Variants in KCNK2 observed in about 807,000 individuals in gnomAD.
The protein encoded by KCNK2 is potassium two pore domain channel subfamily K member 2, also known as potassium channel subfamily K member 2.
KCNK2 carries 21 observed loss-of-function variants against 40.5 expected under a neutral mutation model. The ratio of observed to expected loss-of-function variants is 0.52; its 90% confidence interval spans 0.37 to 0.75. The LOEUF (loss-of-function observed/expected upper bound fraction) is 0.75. Among genes scored for constraint, KCNK2 ranks in the 30% least tolerant of loss-of-function variants. KCNK2 has a pLI of 0.00. For missense variants in KCNK2, 399 were observed against 531.6 expected, an observed-to-expected ratio of 0.75 and a Z score of 2.45; for synonymous variants, 191 against 202.2, an observed-to-expected ratio of 0.94 and a Z score of 0.47.
intron 1 of KCNK2, among the ~76,000 whole-genome samples, chr1:215,039,756 G>A (rs1657502936): frequency 6.6e-6 from 1 of 151,998 alleles, no homozygotes; most frequent in Non-Finnish European, 1.5e-5. Flanking sequence ...TTCAGAACTT[G>A]GATCTTTGCC....
chr1:215,009,771 A>G (rs1656311997), intron 1 of KCNK2, among the ~76,000 whole-genome samples: 1 of 152,194 alleles, frequency 6.6e-6, no homozygotes, highest in Non-Finnish European at 1.5e-5. Context: ...AAGATATAGT[A>G]TAATTGAGTA....
At chr1:215,084,714 G>C (rs1659355382) in intron 1 of KCNK2, among the ~76,000 whole-genome samples, 1 of 152,182 alleles carries the variant, frequency 6.6e-6, no homozygotes, top group African/African-American at 2.4e-5. Context: ...ACAGGTGAAT[G>C]TATCAGGAGA....
At chr1:215,233,823 G>T (rs766831628) in intron 6 of KCNK2, among the ~76,000 whole-genome samples, 3 of 152,144 alleles carry the variant, frequency 2.0e-5, no homozygotes, top group African/African-American at 4.8e-5. Context: ...ATTCTGGTTA[G>T]TTAAGAGGAT....
intron 1 of KCNK2, among the ~76,000 whole-genome samples, chr1:215,010,608 G>A (rs1416484434): frequency 1.3e-5 from 2 of 152,120 alleles, no homozygotes; most frequent in Non-Finnish European, 2.9e-5. Context: ...ACGCCAAAGT[G>A]TTTTGTTTCC....
chr1:215,205,672 C>T (rs916070442), intron 6 of KCNK2, among the ~76,000 whole-genome samples: 1 of 152,154 alleles, frequency 6.6e-6, no homozygotes, highest in African/African-American at 2.4e-5. Context: ...GAGTCCCCTG[C>T]TGACTTGTTG....
chr1:215,125,712 A>G (rs897999231), intron 3 of KCNK2, among the ~76,000 whole-genome samples: 2 of 148,418 alleles, frequency 1.3e-5, no homozygotes, highest in African/African-American at 5.0e-5. Flanking sequence ...CGTTGTGCAC[A>G]TGTACCCTAG....
intron 1 of KCNK2, among the ~76,000 whole-genome samples, chr1:215,058,189 C>A (rs1191577588): frequency 6.6e-6 from 1 of 152,064 alleles, no homozygotes; most frequent in East Asian, 1.9e-4. Flanking sequence ...ACAGCCATGC[C>A]CCTTCACTAG....
intron 2 of KCNK2, among the ~76,000 whole-genome samples, chr1:215,094,776 GA>G (rs1659906646): frequency 6.6e-6 from 1 of 151,908 alleles, no homozygotes; most frequent in Non-Finnish European, 1.5e-5. Context: ...TACAAAATGA[GA>G]AAAATGCCAT....
At chr1:215,178,501 A>G (rs1664087690) in intron 5 of KCNK2, among the ~76,000 whole-genome samples, 1 of 152,206 alleles carries the variant, frequency 6.6e-6, no homozygotes, top group Non-Finnish European at 1.5e-5. Flanking sequence ...GGTTTGCCAT[A>G]GATGGCTCTT....
intron 1 of KCNK2, among the ~76,000 whole-genome samples, chr1:215,062,439 A>C (rs577355720): frequency 4.1e-4 from 62 of 152,126 alleles, no homozygotes; most frequent in African/African-American, 1.5e-3. Flanking sequence ...CTACAACATC[A>C]GATATTTACA....
At position 215,086,574 on chromosome 1, in the gene KCNK2, C is replaced by A. The variant is rs1367707521; in HGVS notation, c.253C>A (p.Gln85Lys). The A allele has an allele frequency of 6.2e-7, 1 of 1,614,118 alleles. No individual in the cohort carries two copies. Reference protein sequence around the residue: ...IGATVFKALEQPHEISQRTTI... With the variant: ...IGATVFKALEKPHEISQRTTI... Reference sequence around the variant, plus strand: ...AGCCACCGTGTTCAAAGCATTGGAGCAGCCTCATGAGATTTCACAGAGGAC... The same window carrying A: ...AGCCACCGTGTTCAAAGCATTGGAGAAGCCTCATGAGATTTCACAGAGGAC... The change falls in exon 2 of 7, where the codon CAG becomes AAG. Residue 85 changes from glutamine to lysine, a missense_variant. Physicochemically the swap from Gln to Lys is moderately conservative, Grantham distance 53 (BLOSUM62 1). This residue lies in a region of KCNK2 where 279 missense variants were observed against 353.8 expected (regional missense o/e 0.79). Transcript: ENST00000444842.
chr1:215,134,336 C>A (rs949393204), intron 3 of KCNK2, among the ~76,000 whole-genome samples: 8 of 152,138 alleles, frequency 5.3e-5, no homozygotes, highest in African/African-American at 1.7e-4. Context: ...GTTCGAGCCT[C>A]CCTGGGTTTC....
intron 5 of KCNK2, among the ~76,000 whole-genome samples, chr1:215,187,441 CTT>C (rs1285322407): frequency 2.6e-5 from 4 of 152,000 alleles, no homozygotes; most frequent in African/African-American, 9.7e-5. Flanking sequence ...CAACTTTTCT[CTT>C]TCTTTATTAA....
At chr1:215,060,485 A>AAAGG (rs759669099) in intron 1 of KCNK2, among the ~76,000 whole-genome samples, 1 of 152,228 alleles carries the variant, frequency 6.6e-6, no homozygotes, top group Non-Finnish European at 1.5e-5. Context: ...AGGACTGAGT[A>AAAGG]ACACCTAGAT....
At chr1:215,078,454 T>TA (rs1233720332), upstream of KCNK2, among the ~76,000 whole-genome samples, 1 of 152,164 alleles carries the variant, frequency 6.6e-6, no homozygotes, top group African/African-American at 2.4e-5. Context: ...TTAGGAAACT[T>TA]ACAGTCATGG....
chr1:215,127,633 C>G (rs916696564), intron 3 of KCNK2, among the ~76,000 whole-genome samples: 3 of 152,202 alleles, frequency 2.0e-5, no homozygotes, highest in African/African-American at 7.2e-5. Context: ...GTTCAGAACT[C>G]TGCTGTGGTT....
intron 3 of KCNK2, among the ~76,000 whole-genome samples, chr1:215,158,445 C>T (rs902153398): frequency 6.6e-6 from 1 of 152,120 alleles, no homozygotes; most frequent in African/African-American, 2.4e-5. Flanking sequence ...TTGGGGTTCT[C>T]ATTTCTTATG....
rs1359127436 is a variant in KCNK2, at chr1:215,102,201, A to G, written c.357+15523A>G. On this transcript the variant is annotated intron_variant, in intron 2 of 6. Coordinates refer to ENST00000444842, the MANE Select transcript of KCNK2 (RefSeq NM_001017425.3). Reference sequence around the variant, plus strand: ...GTTATCATAGGAGATGACAAGCATCATGCATGTCATTATTCCTGAACAGCT... The same window carrying G: ...GTTATCATAGGAGATGACAAGCATCGTGCATGTCATTATTCCTGAACAGCT... Among the ~76,000 whole-genome samples the G allele has an allele frequency of 2.6e-5, 4 of 152,116 alleles. No individual in the cohort carries two copies. The East Asian group carries it at 7.7e-4, about 29-fold the overall frequency.
At chr1:215,018,207 G>A (rs185138518) in intron 1 of KCNK2, among the ~76,000 whole-genome samples, 2 of 152,134 alleles carry the variant, frequency 1.3e-5, no homozygotes, top group Non-Finnish European at 2.9e-5. Flanking sequence ...TATTAAAATT[G>A]TGGTTTTGAT....
Sources: allele counts gnomAD v4.1 joint callset (sites outside exome capture counted in the v4.1 genomes callset), GRCh38; gene constraint gnomAD v4.1.1; regional missense constraint gnomAD v4.1.1; transcripts MANE v1.5; gene names NCBI Gene and HGNC (gene_info 2026-07-23, HGNC 2026-07-21).